Variants in ORC3 observed in about 807,000 individuals in gnomAD.
The protein encoded by ORC3 is origin recognition complex subunit 3.
ORC3 carries 78 observed loss-of-function variants against 100.7 expected under a neutral mutation model. The ratio of observed to expected loss-of-function variants is 0.77; its 90% CI spans 0.65 to 0.94. The LOEUF is 0.94. Ranked by LOEUF, ORC3 falls within the 40% of genes least tolerant of loss-of-function variation. The pLI, the probability that ORC3 is intolerant of heterozygous loss-of-function variation, is 0.00. For missense variants in ORC3, 789 were observed against 823.9 expected, an observed-to-expected ratio of 0.96 and a Z score of 0.52; for synonymous variants, 295 against 289.3, an observed-to-expected ratio of 1.02 and a Z score of -0.20.
chr6:87,670,397 C>A (rs1309601628), downstream of ORC3, among the ~76,000 whole-genome samples: 1 of 152,102 alleles, frequency 6.6e-6, no homozygotes, highest in Admixed American at 6.5e-5. Context: ...AACTCCTGGG[C>A]TCAAGCGATC....
the ORC3 span, chr6:87,675,880 T>C: frequency 6.2e-7 from 1 of 1,613,860 alleles, no homozygotes; most frequent in Non-Finnish European, 8.5e-7. Context: ...CTGTTCTCCA[T>C]ATCGTCGCAT....
chr6:87,630,454 T>C (rs766538260), intron 11 of ORC3, among the ~76,000 whole-genome samples: 64 of 152,146 alleles, frequency 4.2e-4, no homozygotes, highest in Non-Finnish European at 7.9e-4. Flanking sequence ...CATTCATTAA[T>C]GTACTCTTCA....
intron 9 of ORC3, among the ~76,000 whole-genome samples, chr6:87,617,826 G>A (rs910393922): frequency 3.3e-5 from 5 of 152,132 alleles, no homozygotes; most frequent in Non-Finnish European, 5.9e-5. Flanking sequence ...ACTTCATTTT[G>A]TGTAGTGCCT....
At chr6:87,607,437 A>C (rs1175676304) in intron 5 of ORC3, among the ~76,000 whole-genome samples, 1 of 152,158 alleles carries the variant, frequency 6.6e-6, no homozygotes, top group African/African-American at 2.4e-5. Context: ...TCTCAAAAAA[A>C]AAAAATAAAG....
chr6:87,653,911 T>C (rs1188662774), intron 14 of ORC3, among the ~76,000 whole-genome samples: 1 of 152,212 alleles, frequency 6.6e-6, no homozygotes, highest in Non-Finnish European at 1.5e-5. Context: ...GGTAGCCATG[T>C]TCTGTTCCCT....
At chr6:87,675,492 C>T in the ORC3 span, 1 of 1,496,860 alleles carries the variant, frequency 6.7e-7, no homozygotes, top group Non-Finnish European at 9.3e-7. Context: ...CTTGAAATAA[C>T]CTGTATTCAC....
rs1657050505 is a variant in ORC3 at position 87,646,048 on chromosome 6, A to G, written c.1383-7068A>G. Among the ~76,000 whole-genome samples, 3 of 139,498 alleles carry G rather than the reference A, an allele frequency of 2.2e-5. No homozygotes were observed. The South Asian group carries it at 6.6e-4, about 31-fold the overall frequency. 91.5% of individuals were successfully genotyped at this position (139,498 alleles called of 152,430 possible). A position where few individuals can be genotyped will look rare whatever the true frequency, so the allele number is the denominator to read the frequency against. ...GTTGCCCAGGCTGGAGTGCAGTGGC[A>G]TGATCTCAGCTCACTGCACGCTCCA... On this transcript the variant is annotated intron_variant, in intron 13 of 19. Transcript: ENST00000392844.
chr6:87,611,628 A>C (rs1284290354), intron 7 of ORC3, among the ~76,000 whole-genome samples: 2 of 152,094 alleles, frequency 1.3e-5, no homozygotes, highest in African/African-American at 4.8e-5. Flanking sequence ...CTCCACTAAA[A>C]TTAAAAAATT....
At chr6:87,603,350 CTAA>C (rs758186723) in intron 3 of ORC3, 31 bp from the exon 4 acceptor site, 5 of 1,159,878 alleles carry the variant, frequency 4.3e-6, no homozygotes, top group Admixed American at 2.4e-5. Flanking sequence ...ATTATTATTT[CTAA>C]TAATAATAAG....
At chr6:87,636,289 C>G in intron 12 of ORC3, 118 bp from the exon 13 acceptor site, 1 of 660,210 alleles carries the variant, frequency 1.5e-6, no homozygotes, top group Non-Finnish European at 2.7e-6. Flanking sequence ...CTATTATAAT[C>G]TAAAGAAAAT....
chr6:87,595,987 T>C (rs538270689), intron 2 of ORC3, among the ~76,000 whole-genome samples: 20 of 149,504 alleles, frequency 1.3e-4, no homozygotes, highest in African/African-American at 4.9e-4. Flanking sequence ...AGGCATGCGC[T>C]ACGACGCCTG....
At chr6:87,652,176 G>A (rs1460749523) in intron 13 of ORC3, among the ~76,000 whole-genome samples, 1 of 152,174 alleles carries the variant, frequency 6.6e-6, no homozygotes, top group Admixed American at 6.5e-5. Flanking sequence ...GGGATTACAG[G>A]TGTGAGCCAC....
At chr6:87,606,429 T>G (rs565403967) in intron 5 of ORC3, among the ~76,000 whole-genome samples, 1 of 152,164 alleles carries the variant, frequency 6.6e-6, no homozygotes, top group Non-Finnish European at 1.5e-5. Flanking sequence ...TGTCCCACTT[T>G]GAAAAGCCAC....
At chr6:87,651,326 C>CA in intron 13 of ORC3, 1 of 456,080 alleles carries the variant, frequency 2.2e-6, no homozygotes, top group South Asian at 1.5e-5. Flanking sequence ...CCCCTCCAAG[C>CA]AAGTCAGTGC....
downstream of ORC3, among the ~76,000 whole-genome samples, chr6:87,669,476 CACT>C (rs1470415542): frequency 6.6e-6 from 1 of 152,178 alleles, no homozygotes; most frequent in Non-Finnish European, 1.5e-5. Context: ...ACACAAGTAC[CACT>C]ACTACCATAG....
At chr6:87,644,079 C>CTTTTTTTTTTTTTTTTTTTTTTT (rs1156943778) in intron 13 of ORC3, among the ~76,000 whole-genome samples, 3 of 51,424 alleles carry the variant, frequency 5.8e-5, no homozygotes, top group African/African-American at 1.9e-4. Flanking sequence ...GCTGACTGTC[C>CTTTTTTTTTTTTTTTTTTTTTTT]TTTTTTTTTT....
At chr6:87,615,302 G>T (rs779598955) in intron 8 of ORC3, among the ~76,000 whole-genome samples, 2 of 152,060 alleles carry the variant, frequency 1.3e-5, no homozygotes, top group Non-Finnish European at 2.9e-5. Flanking sequence ...CACAGCACTT[G>T]GGAATTCAAG....
intron 19 of ORC3, 89 bp downstream of exon 19, chr6:87,665,922 A>G (rs1770559523): frequency 1.4e-6 from 1 of 732,262 alleles, no homozygotes; most frequent in Non-Finnish European, 2.3e-6. Context: ...ATATTTATAA[A>G]GGCGTACTCC....
intron 2 of ORC3, among the ~76,000 whole-genome samples, chr6:87,595,901 A>G (rs532178356): frequency 2.6e-5 from 4 of 152,268 alleles, no homozygotes; most frequent in African/African-American, 9.6e-5. Flanking sequence ...CGGCCTGATC[A>G]TAGCTCACTT....
Sources: allele counts gnomAD v4.1 joint callset (sites outside exome capture counted in the v4.1 genomes callset), GRCh38; gene constraint gnomAD v4.1.1; transcripts MANE v1.5; gene names NCBI Gene and HGNC (gene_info 2026-07-23, HGNC 2026-07-21).